SPAG16: variants seen among roughly 807,000 people sequenced by gnomAD.
SPAG16 encodes the protein sperm-associated antigen 16 protein.
Under a neutral mutation model 80.4 loss-of-function variants are expected in SPAG16, and 86 were observed. The observed-to-expected ratio is 1.07, with a 90% CI of 0.90 to 1.28. SPAG16 has a LOEUF of 1.28. SPAG16 is among the 50% of genes most tolerant of loss of function. SPAG16 has a pLI of 0.00. For missense variants in SPAG16, 870 were observed against 765.3 expected (o/e 1.14, Z -1.61); for synonymous variants, 294 against 265.9 (o/e 1.11, Z -1.03).
At chr2:213,338,860 CAG>C (rs140456525) in intron 5 of SPAG16, among the ~76,000 whole-genome samples, 4,794 of 152,080 alleles carry the variant, frequency 0.032, 103 homozygotes, top group Non-Finnish European at 0.041. Flanking sequence ...TGGCGCCTGT[CAG>C]GGGGTGGAGT....
intron 10 of SPAG16, among the ~76,000 whole-genome samples, chr2:213,620,237 T>C (rs902601778): frequency 2.0e-5 from 3 of 151,522 alleles, no homozygotes; most frequent in Non-Finnish European, 4.4e-5. Context: ...AGTTCTAGTG[T>C]TCACAGCATT....
chr2:213,377,902 TA>T (rs1274053579), intron 9 of SPAG16, among the ~76,000 whole-genome samples: 3 of 8,360 alleles, frequency 3.6e-4, no homozygotes, highest in African/African-American at 2.8e-3. Flanking sequence ...TATATATATA[TA>T]TTTTTTTTTT....
intron 10 of SPAG16, among the ~76,000 whole-genome samples, chr2:213,573,387 A>G (rs569616769): frequency 1.3e-5 from 2 of 152,380 alleles, no homozygotes; most frequent in Admixed American, 6.5e-5. Context: ...CTGTTCTTCA[A>G]CAGGATGCTG....
chr2:214,034,584 C>T (rs2125063766), intron 13 of SPAG16, among the ~76,000 whole-genome samples: 1 of 152,350 alleles, frequency 6.6e-6, no homozygotes, highest in South Asian at 2.1e-4. Flanking sequence ...AGCCACTGTG[C>T]ATAGCCAGGC....
At chr2:214,240,578 A>T (rs1689389788) in intron 15 of SPAG16, 2 of 152,218 alleles carry the variant, frequency 1.3e-5, no homozygotes, top group Admixed American at 6.5e-5. Context: ...AGAAGTCTTA[A>T]AGCAAGAAAG....
intron 11 of SPAG16, among the ~76,000 whole-genome samples, chr2:213,925,088 C>T (rs1248534014): frequency 1.3e-5 from 2 of 152,036 alleles, no homozygotes; most frequent in East Asian, 3.9e-4. Flanking sequence ...CAAGGTTTTA[C>T]TTCTCTTCTT....
chr2:214,318,775 A>C (rs1250388399), intron 15 of SPAG16, among the ~76,000 whole-genome samples: 3 of 152,138 alleles, frequency 2.0e-5, no homozygotes, highest in Non-Finnish European at 4.4e-5. Flanking sequence ...GTGGGCAAGC[A>C]GAGGTAACAA....
At chr2:214,073,324 A>G (rs960119935) in intron 13 of SPAG16, among the ~76,000 whole-genome samples, 7 of 151,012 alleles carry the variant, frequency 4.6e-5, no homozygotes, top group Non-Finnish European at 8.9e-5. Context: ...GCAACCTCCA[A>G]CTCCCCTGGT....
chr2:213,742,386 A>G (rs2067595065), intron 10 of SPAG16, among the ~76,000 whole-genome samples: 1 of 152,036 alleles, frequency 6.6e-6, no homozygotes, highest in Non-Finnish European at 1.5e-5. Context: ...TTTTAATTTC[A>G]TTCTGTTATG....
At chr2:213,337,412 TAATG>T (rs1159204900) in intron 5 of SPAG16, among the ~76,000 whole-genome samples, 1 of 152,168 alleles carries the variant, frequency 6.6e-6, no homozygotes, top group African/African-American at 2.4e-5. Flanking sequence ...AGATGGGTAA[TAATG>T]AACTTCACTG....
chr2:213,824,497 T>C (rs2073148790), intron 10 of SPAG16, among the ~76,000 whole-genome samples: 1 of 152,196 alleles, frequency 6.6e-6, no homozygotes, highest in Middle Eastern at 3.2e-3. Flanking sequence ...TGGAAGAGAT[T>C]TTCCTTTCGC....
intron 13 of SPAG16, among the ~76,000 whole-genome samples, chr2:214,066,467 A>G (rs546164150): frequency 1.3e-5 from 2 of 152,200 alleles, no homozygotes; most frequent in East Asian, 1.9e-4. Flanking sequence ...TTTCCATAAA[A>G]CTTTACTTAT....
intron 9 of SPAG16, among the ~76,000 whole-genome samples, chr2:213,444,510 G>C (rs1276585195): frequency 6.6e-6 from 1 of 152,160 alleles, no homozygotes; most frequent in Non-Finnish European, 1.5e-5. Context: ...TCTTTCTGAA[G>C]TTCTTAAAAT....
At chr2:214,090,312 TAA>T (rs2052092629) in intron 13 of SPAG16, among the ~76,000 whole-genome samples, 1 of 151,618 alleles carries the variant, frequency 6.6e-6, no homozygotes, top group Non-Finnish European at 1.5e-5. Flanking sequence ...TTTTAAACAC[TAA>T]AAAAGATGAA....
chr2:213,516,161 AG>A (rs1463431178), intron 10 of SPAG16, among the ~76,000 whole-genome samples: 4 of 152,238 alleles, frequency 2.6e-5, no homozygotes, highest in Non-Finnish European at 4.4e-5. Context: ...GGAAAAATTC[AG>A]CTAATGCAGA....
At chr2:213,615,695 A>G (rs1016210629) in intron 10 of SPAG16, among the ~76,000 whole-genome samples, 4 of 152,184 alleles carry the variant, frequency 2.6e-5, no homozygotes, top group African/African-American at 9.7e-5. Context: ...CTTTAGCCAA[A>G]TGTTTATTGT....
At chr2:213,805,899 T>TGTA (rs921584181) in intron 10 of SPAG16, among the ~76,000 whole-genome samples, 10 of 152,236 alleles carry the variant, frequency 6.6e-5, no homozygotes, top group African/African-American at 2.4e-4. Flanking sequence ...TTGTAGGCAG[T>TGTA]GTAGCAAATT....
rs2047491014 is a variant in SPAG16 at position 214,014,561 on chromosome 2, G to T, written c.1527+484G>T. ...CTAGGCTTGAGCTAAGATCTGGAGG[G>T]TAAGTAGGATATATAGGTCATCTGG... On this transcript the variant is annotated intron_variant, in intron 13 of 15. Transcript: ENST00000331683. 2.0e-5 allele frequency among the ~76,000 whole-genome samples: 3 copies of T among 152,312 alleles called. No individual in the cohort carries two copies. The South Asian group carries it at 6.2e-4, about 32-fold the overall frequency.
chr2:213,833,575 A>AT lies in SPAG16; in HGVS notation c.1071-28909dup, dbSNP rs1267278236. 4.1e-4 allele frequency among the ~76,000 whole-genome samples: 13 copies of AT among 31,352 alleles called. 1 individual carries two copies. The highest frequency in any genetic ancestry group is 1.1e-3 in the South Asian group (1 of 910). 20.6% of individuals were successfully genotyped at this position (31,352 alleles called of 152,430 possible). A position where few individuals can be genotyped will look rare whatever the true frequency, so the allele number is the denominator to read the frequency against. On this transcript the variant is annotated intron_variant, in intron 10 of 15. Coordinates refer to ENST00000331683, the MANE Select transcript of SPAG16 (RefSeq NM_024532.5). ...TATATATAATATATATAATATATATATAATATATATATTATATATATATAA... is the reference window on the plus strand; with the variant it reads ...TATATATAATATATATAATATATATATTAATATATATATTATATATATATAA...
Sources: allele counts gnomAD v4.1 joint callset (sites outside exome capture counted in the v4.1 genomes callset), GRCh38; gene constraint gnomAD v4.1.1; transcripts MANE v1.5; gene names NCBI Gene and HGNC (gene_info 2026-07-23, HGNC 2026-07-21).